Variants in NUDT9 observed in about 807,000 individuals in gnomAD.
The protein encoded by NUDT9 is nudix hydrolase 9, also known as ADP-ribose pyrophosphatase.
In NUDT9, 31 loss-of-function variants were observed where a neutral mutation model predicts 41.0. The ratio of observed to expected loss-of-function variants is 0.76; its 90% CI spans 0.57 to 1.02. NUDT9 has a LOEUF of 1.02. NUDT9 is among the 50% of genes least tolerant of loss of function. The probability of loss-of-function intolerance (pLI) is 0.00; values close to 1 mark genes in which losing one functional copy is unlikely to be tolerated. For missense variants in NUDT9, 380 were observed against 431.4 expected (o/e 0.88, Z 1.06); for synonymous variants, 146 against 147.6 (o/e 0.99, Z 0.08).
intron 1 of NUDT9, among the ~76,000 whole-genome samples, chr4:87,424,475 T>C (rs111529215): frequency 0.072 from 10,998 of 152,054 alleles, 1,304 homozygotes; most frequent in African/African-American, 0.25. Context: ...GTTAGGCTGA[T>C]CTGGTCTTGA....
chr4:87,438,138 GAAAA>G, intron 2 of NUDT9, 135 bp from the exon 3 acceptor site: 6 of 325,338 alleles, frequency 1.8e-5, no homozygotes, highest in South Asian at 1.7e-4. Context: ...ATGGATTTGT[GAAAA>G]AAAAAAAAAA....
chr4:87,449,641 G>C (rs546000940), intron 5 of NUDT9, among the ~76,000 whole-genome samples: 6 of 152,192 alleles, frequency 3.9e-5, no homozygotes, highest in Admixed American at 3.9e-4. Flanking sequence ...TCCCATTTCA[G>C]AATTTAACCT....
At chr4:87,436,175 T>C (rs1306389336) in intron 2 of NUDT9, among the ~76,000 whole-genome samples, 1 of 152,088 alleles carries the variant, frequency 6.6e-6, no homozygotes, top group Non-Finnish European at 1.5e-5. Context: ...ATTTTATTTT[T>C]AAGTAGAGAT....
intron 2 of NUDT9, among the ~76,000 whole-genome samples, chr4:87,437,491 C>T (rs1721999032): frequency 6.6e-6 from 1 of 151,434 alleles, no homozygotes; most frequent in Admixed American, 6.6e-5. Context: ...CAGGTGCCCA[C>T]CACCATGCCC....
intron 4 of NUDT9, among the ~76,000 whole-genome samples, chr4:87,446,465 C>T (rs1474348364): frequency 6.6e-6 from 1 of 152,060 alleles, no homozygotes; most frequent in Non-Finnish European, 1.5e-5. Context: ...GATCTCTTGA[C>T]TTCGTGATCT....
At chr4:87,455,655 T>C (rs1722954527) in intron 7 of NUDT9, among the ~76,000 whole-genome samples, 1 of 151,596 alleles carries the variant, frequency 6.6e-6, no homozygotes, top group African/African-American at 2.4e-5. Context: ...TTTTTTCTTT[T>C]TTCTTTTTTT....
chr4:87,444,739 A>G (rs1445639476), intron 4 of NUDT9, among the ~76,000 whole-genome samples: 1 of 152,156 alleles, frequency 6.6e-6, no homozygotes, highest in Non-Finnish European at 1.5e-5. Flanking sequence ...GGGAGTATAC[A>G]TGGTGATTGT....
intron 4 of NUDT9, among the ~76,000 whole-genome samples, chr4:87,446,740 A>C (rs1037130841): frequency 1.3e-5 from 2 of 152,142 alleles, no homozygotes; most frequent in African/African-American, 2.4e-5. Context: ...TAAAACAACT[A>C]TGTTATAGGG....
In NUDT9 at chr4:87,458,134, C is replaced by A. The variant is rs1321203205; in HGVS notation, c.*113C>A. 5 of 909,094 alleles carry A rather than the reference C, an allele frequency of 5.5e-6. No homozygotes were observed. The African/African-American group carries it at 6.9e-5, about 13-fold the overall frequency. The allele number at this position is 909,094 out of a possible 1,614,324, so 56.3% of individuals were successfully genotyped here. ...CAGGGTAGGCCACTTGGCCTATTTA[C>A]TTTCAAAACAATTTGCATTTAGAGT... On this transcript the variant is annotated 3_prime_UTR_variant, in exon 8 of 8. Coordinates refer to ENST00000302174, the MANE Select transcript of NUDT9 (RefSeq NM_024047.5).
rs1179592991 is a variant in NUDT9, at chr4:87,458,056, G to A, written c.*35G>A. 6.7e-7 allele frequency: 1 copy of A among 1,483,164 alleles called. No homozygotes were observed. The highest frequency in any genetic ancestry group is 8.9e-7 in the Non-Finnish European group (1 of 1,122,668). The allele number at this position is 1,483,164 out of a possible 1,614,324, so 91.9% of individuals were successfully genotyped here. A position where few individuals can be genotyped will look rare whatever the true frequency, so the allele number is the denominator to read the frequency against. ...TCCGTGTAAGCCAAAGGCCCACAGA[G>A]GAGCATATACTGAAAAGAAGGCAGT... On this transcript the variant is annotated 3_prime_UTR_variant, in exon 8 of 8. Transcript: ENST00000302174.
chr4:87,434,961 T>C lies in NUDT9; in HGVS notation c.108-20T>C. The C allele has an allele frequency of 6.3e-7, 1 of 1,591,824 alleles. No homozygotes were observed. The highest frequency in any genetic ancestry group is 1.1e-5 in the South Asian group (1 of 87,412). On this transcript the variant is annotated intron_variant, in intron 1 of 7. Coordinates refer to ENST00000302174, the MANE Select transcript of NUDT9 (RefSeq NM_024047.5). ...ATATTTTTGGTATTTATGTAAAATG[T>C]TTTTCTTTTTCTCCCCCAGAAACTC...
intron 3 of NUDT9, among the ~76,000 whole-genome samples, chr4:87,439,158 TC>T (rs1489996424): frequency 1.5e-5 from 2 of 132,486 alleles, no homozygotes; most frequent in African/African-American, 5.9e-5. Context: ...AGAGCGAGAC[TC>T]CATCTCAAAA....
chr4:87,427,266 A>G (rs1185993849), intron 1 of NUDT9, among the ~76,000 whole-genome samples: 2 of 152,202 alleles, frequency 1.3e-5, no homozygotes, highest in East Asian at 3.8e-4. Flanking sequence ...TGATTGTTGC[A>G]GATTTTATTT....
intron 6 of NUDT9, among the ~76,000 whole-genome samples, chr4:87,451,986 C>A (rs1722734993): frequency 6.6e-6 from 1 of 151,704 alleles, no homozygotes; most frequent in South Asian, 2.1e-4. Flanking sequence ...ATTATAATAA[C>A]TTTTTTCTTC....
Position 87,441,822 on chromosome 4 carries a change from T to C in NUDT9, c.444-7T>C, listed in dbSNP as rs774234366. ...CAATTGATTTTATGCTTTTTTTGTT[T>C]TTCCAGAAATCCTGCAGGACGGACT... On this transcript the variant is annotated splice_polypyrimidine_tract_variant and splice_region_variant and intron_variant, in intron 3 of 7. Transcript: ENST00000302174. 6.2e-7 allele frequency: 1 copy of C among 1,611,714 alleles called. No homozygotes were observed. The highest frequency in any genetic ancestry group is 1.1e-5 in the South Asian group (1 of 90,560).
chr4:87,438,436 T>C, intron 3 of NUDT9, 64 bp downstream of exon 3: 2 of 897,974 alleles, frequency 2.2e-6, no homozygotes, highest in African/African-American at 3.3e-5. Context: ...AGATAGTTCA[T>C]ATTTATCAAA....
In NUDT9 at chr4:87,422,769, C is replaced by T; in HGVS notation, c.-137C>T. ...ATTTATAGATAGGCACAGCTACTCC[C>T]GTTCGGGAACCCAACGGCAGACAGG... On this transcript the variant is annotated 5_prime_UTR_variant, in exon 1 of 8. Transcript: ENST00000302174. 2 of 442,004 alleles carry T rather than the reference C, an allele frequency of 4.5e-6. No homozygotes were observed. Among genetic ancestry groups the T allele is most frequent in the Non-Finnish European group, 7.8e-6 (2 of 256,272 alleles). The allele number at this position is 442,004 out of a possible 1,614,324, so 27.4% of individuals were successfully genotyped here.
chr4:87,443,933 A>G (rs1722332130), intron 4 of NUDT9, among the ~76,000 whole-genome samples: 1 of 152,194 alleles, frequency 6.6e-6, no homozygotes, highest in Non-Finnish European at 1.5e-5. Flanking sequence ...TTCTCTTCCG[A>G]GGCAGACCTA....
chr4:87,439,364 CCAT>C (rs1722096559), intron 3 of NUDT9, among the ~76,000 whole-genome samples: 1 of 150,408 alleles, frequency 6.6e-6, no homozygotes, highest in Non-Finnish European at 1.5e-5. Context: ...CCTTATAAAA[CCAT>C]CAGATTGGCC....
Sources: gnomAD v4.1 joint callset for allele counts (sites outside exome capture counted in the v4.1 genomes callset) on GRCh38, gnomAD v4.1.1 for gene constraint, MANE v1.5 for transcripts, NCBI Gene and HGNC (gene_info 2026-07-23, HGNC 2026-07-21) for gene names.